Variants in SAMD5 observed in about 807,000 individuals in gnomAD.
SAMD5 encodes the protein sterile alpha motif domain containing 5.
Under a neutral mutation model 11.3 loss-of-function variants are expected in SAMD5, and 13 were observed. The ratio of observed to expected loss-of-function variants is 1.15; its 90% CI spans 0.75 to 1.83. The LOEUF (loss-of-function observed/expected upper bound fraction) is 1.83, where lower values mean the gene tolerates loss of function less well. Among genes scored for constraint, SAMD5 ranks in the 40% most tolerant of loss-of-function variants. The pLI is 0.00. For missense variants in SAMD5, 255 were observed against 239.1 expected (o/e 1.07, Z -0.44); for synonymous variants, 129 against 111.3 (o/e 1.16, Z -1.00).
At chr6:147,556,183 C>T (rs1788852503) in intron 1 of SAMD5, among the ~76,000 whole-genome samples, 1 of 151,972 alleles carries the variant, frequency 6.6e-6, no homozygotes, top group African/African-American at 2.4e-5. Context: ...AGCTCCGCCT[C>T]TTGGGCTCAT....
At chr6:147,859,056 A>G in the SAMD5 span, among the ~76,000 whole-genome samples, 2 of 152,174 alleles carry the variant, frequency 1.3e-5, no homozygotes, top group Non-Finnish European at 2.9e-5. Flanking sequence ...GGGGCCAGGG[A>G]GGACCTCACT....
intron 1 of SAMD5, among the ~76,000 whole-genome samples, chr6:147,542,672 C>T (rs1320318273): frequency 1.3e-5 from 2 of 152,078 alleles, no homozygotes; most frequent in South Asian, 2.1e-4. Context: ...CCAGCTGATC[C>T]GTCAAGGGCA....
intron 1 of SAMD5, among the ~76,000 whole-genome samples, chr6:147,636,939 T>C (rs78984230): frequency 0.035 from 5,314 of 151,928 alleles, 319 homozygotes; most frequent in African/African-American, 0.12. Context: ...AGACATCGTA[T>C]TGGGTGAAGA....
intron 1 of SAMD5, among the ~76,000 whole-genome samples, chr6:147,608,877 G>A (rs938469505): frequency 4.6e-5 from 7 of 152,022 alleles, no homozygotes; most frequent in South Asian, 2.1e-4. Flanking sequence ...CTTATTTCAC[G>A]TTGCATGCCT....
At chr6:147,944,444 T>C in the SAMD5 span, among the ~76,000 whole-genome samples, 1 of 152,104 alleles carries the variant, frequency 6.6e-6, no homozygotes, top group East Asian at 1.9e-4. Flanking sequence ...ATGACACTTA[T>C]TCACTATCAT....
intron 1 of SAMD5, among the ~76,000 whole-genome samples, chr6:147,580,307 A>G (rs1789278161): frequency 6.6e-6 from 1 of 152,212 alleles, no homozygotes; most frequent in African/African-American, 2.4e-5. Flanking sequence ...CAGGTCAGGG[A>G]CAACCTTTTC....
At chr6:147,691,515 A>C (rs539846994) in intron 1 of SAMD5, among the ~76,000 whole-genome samples, 34 of 152,250 alleles carry the variant, frequency 2.2e-4, no homozygotes, top group Non-Finnish European at 2.8e-4. Context: ...GTAATGCTTG[A>C]CTTATAAAGT....
intron 1 of SAMD5, among the ~76,000 whole-genome samples, chr6:147,578,384 A>G (rs1280295542): frequency 6.6e-6 from 1 of 152,168 alleles, no homozygotes; most frequent in Non-Finnish European, 1.5e-5. Context: ...TCCTTGAAGA[A>G]GAGTGATCCT....
At chr6:147,799,637 T>A in the SAMD5 span, among the ~76,000 whole-genome samples, 1 of 151,876 alleles carries the variant, frequency 6.6e-6, no homozygotes. Context: ...TTGGGGAAAT[T>A]CTCCAGGATA....
chr6:147,616,825 T>G (rs918025577), intron 1 of SAMD5, among the ~76,000 whole-genome samples: 1 of 152,208 alleles, frequency 6.6e-6, no homozygotes, highest in East Asian at 1.9e-4. Context: ...GTCACACTTT[T>G]AAACCATCAG....
intron 1 of SAMD5, among the ~76,000 whole-genome samples, chr6:147,540,274 A>G (rs1247479775): frequency 6.6e-6 from 1 of 152,216 alleles, no homozygotes; most frequent in Non-Finnish European, 1.5e-5. Flanking sequence ...GCTACTGTCA[A>G]AAAGCAAAGC....
chr6:147,647,351 T>C (rs1185654455), intron 1 of SAMD5, among the ~76,000 whole-genome samples: 1 of 151,816 alleles, frequency 6.6e-6, no homozygotes, highest in African/African-American at 2.4e-5. Flanking sequence ...CAAGATGAGG[T>C]TAAGTTTTCT....
intron 1 of SAMD5, among the ~76,000 whole-genome samples, chr6:147,736,029 G>A (rs886645389): frequency 6.6e-6 from 1 of 152,116 alleles, no homozygotes; most frequent in Non-Finnish European, 1.5e-5. Context: ...ATGAGATCAT[G>A]TGTATTAAGG....
chr6:147,810,608 G>C, the SAMD5 span, among the ~76,000 whole-genome samples: 9 of 152,292 alleles, frequency 5.9e-5, no homozygotes, highest in South Asian at 1.9e-3. Context: ...TCTTAAGGCT[G>C]ACACTTTCCT....
the SAMD5 span, among the ~76,000 whole-genome samples, chr6:147,806,854 CA>C: frequency 1.3e-5 from 2 of 152,094 alleles, no homozygotes; most frequent in African/African-American, 4.8e-5. Context: ...TAGATGAGGT[CA>C]TGAGGGTGGG....
chr6:147,769,772 G>T, the SAMD5 span, among the ~76,000 whole-genome samples: 62 of 152,246 alleles, frequency 4.1e-4, no homozygotes, highest in Admixed American at 9.2e-4. Flanking sequence ...AGTTAGAATG[G>T]GTTTGTCATA....
At chr6:147,746,562 C>T in the SAMD5 span, among the ~76,000 whole-genome samples, 1 of 151,940 alleles carries the variant, frequency 6.6e-6, no homozygotes, top group Non-Finnish European at 1.5e-5. Flanking sequence ...AGAGGAAATC[C>T]AAGATGAGAA....
At chr6:147,843,623 A>G in the SAMD5 span, among the ~76,000 whole-genome samples, 6 of 152,240 alleles carry the variant, frequency 3.9e-5, no homozygotes, top group Non-Finnish European at 8.8e-5. Context: ...TCAAAACAGC[A>G]TGATACTGGC....
downstream of SAMD5, among the ~76,000 whole-genome samples, chr6:147,739,504 G>A (rs1356052303): frequency 6.6e-6 from 1 of 152,068 alleles, no homozygotes; most frequent in Non-Finnish European, 1.5e-5. Flanking sequence ...AAGCTGAGGT[G>A]GGAAGATTGC....
Sources: gnomAD v4.1 joint callset for allele counts (sites outside exome capture counted in the v4.1 genomes callset) on GRCh38, gnomAD v4.1.1 for gene constraint, MANE v1.5 for transcripts, NCBI Gene and HGNC (gene_info 2026-07-23, HGNC 2026-07-21) for gene names.